SLC16A1: variants seen among roughly 807,000 people sequenced by gnomAD.
SLC16A1 encodes the protein solute carrier family 16 member 1.
In SLC16A1, 11 loss-of-function variants were observed where a neutral mutation model predicts 32.2. The ratio of observed to expected loss-of-function variants is 0.34; its 90% CI spans 0.21 to 0.56. The LOEUF is 0.56. Ranked by LOEUF, SLC16A1 falls within the 20% of genes least tolerant of loss-of-function variation. SLC16A1 has a pLI of 0.87. For synonymous variants in SLC16A1, 231 were observed against 226.8 expected (o/e 1.02, Z -0.17); for missense variants, 435 against 615.0 (o/e 0.71, Z 3.10).
At position 112,917,812 on chromosome 1, in the gene SLC16A1, G is replaced by T. The variant is rs755634416; in HGVS notation, c.594C>A (p.Ile198=). The part of the protein sequence containing the change: ...CCVAGALMRP[I]GPKPTKAGKD... Reference sequence around the variant, plus strand: ...TCCCTGCCTTGGTTGGCTTGGGCCCGATTGGTCGCATGAGGGCTCCAGCAA... The same window carrying T: ...TCCCTGCCTTGGTTGGCTTGGGCCCTATTGGTCGCATGAGGGCTCCAGCAA... Residue 198 remains isoleucine, a synonymous_variant, in exon 4 of 5, where the codon ATC becomes ATA. Coordinates refer to ENST00000369626, the MANE Select transcript of SLC16A1 (RefSeq NM_003051.4). This position sits in a 1 kb window ranked among gnomAD's most constrained non-coding sequence, Gnocchi z 4.1. 6.2e-7 allele frequency: 1 copy of T among 1,614,144 alleles called. No homozygotes were observed. The highest frequency in any genetic ancestry group is 8.5e-7 in the Non-Finnish European group (1 of 1,180,040).
At chr1:112,925,307 TTA>T (rs1648901916) in intron 2 of SLC16A1, among the ~76,000 whole-genome samples, 1 of 151,930 alleles carries the variant, frequency 6.6e-6, no homozygotes, top group South Asian at 2.1e-4. Flanking sequence ...AGTGCTGGGA[TTA>T]TAGGTGTAAG....
intron 1 of SLC16A1, among the ~76,000 whole-genome samples, chr1:112,953,560 C>T (rs1210570114): frequency 6.6e-6 from 1 of 152,140 alleles, no homozygotes; most frequent in African/African-American, 2.4e-5. Flanking sequence ...TTTTTTTACC[C>T]TCCTTGATTC....
At chr1:112,920,509 G>C (rs1011811047) in intron 3 of SLC16A1, among the ~76,000 whole-genome samples, 1 of 152,280 alleles carries the variant, frequency 6.6e-6, no homozygotes, top group East Asian at 1.9e-4. Context: ...GGGAGGCTGC[G>C]GCAGGAGAAT....
At chr1:112,924,412 T>A in intron 2 of SLC16A1, 1 of 1,029,840 alleles carries the variant, frequency 9.7e-7, no homozygotes, top group Non-Finnish European at 1.5e-6. Context: ...TTTCTTTAAT[T>A]TAGAAGTGCC....
chr1:112,930,764 G>A (rs986463629), intron 1 of SLC16A1, among the ~76,000 whole-genome samples: 6 of 139,112 alleles, frequency 4.3e-5, no homozygotes, highest in African/African-American at 1.4e-4. Flanking sequence ...TCACTCTGTC[G>A]CCCGGGCTGG....
intron 1 of SLC16A1, among the ~76,000 whole-genome samples, chr1:112,943,787 C>CA (rs60946516): frequency 0.017 from 835 of 48,370 alleles, 16 homozygotes; most frequent in East Asian, 0.026. Flanking sequence ...GACTCCATCT[C>CA]AAAAAAAAAA....
chr1:112,930,435 C>T (rs945779326), intron 1 of SLC16A1, among the ~76,000 whole-genome samples: 1 of 152,016 alleles, frequency 6.6e-6, no homozygotes, highest in East Asian at 1.9e-4. Flanking sequence ...AACTTTACAC[C>T]TAGCTCTCGA....
chr1:112,925,628 C>G (rs1648914038), intron 2 of SLC16A1, among the ~76,000 whole-genome samples: 1 of 152,100 alleles, frequency 6.6e-6, no homozygotes, highest in African/African-American at 2.4e-5. Flanking sequence ...ATCCACCTAC[C>G]TAGGCCTCCC....
At chr1:112,943,145 G>T (rs1193300617) in intron 1 of SLC16A1, among the ~76,000 whole-genome samples, 3 of 152,262 alleles carry the variant, frequency 2.0e-5, no homozygotes, top group Admixed American at 2.0e-4. Flanking sequence ...AGGTGTGGGG[G>T]TATAAAATGG....
intron 3 of SLC16A1, 140 bp downstream of exon 3, chr1:112,921,850 A>C (rs1648746525): frequency 9.9e-7 from 1 of 1,012,424 alleles, no homozygotes; most frequent in Admixed American, 2.3e-5. Flanking sequence ...TAGTACTTTT[A>C]TCTCTAGTTC....
At chr1:112,937,833 G>C (rs1196428065) in intron 1 of SLC16A1, among the ~76,000 whole-genome samples, 2 of 152,078 alleles carry the variant, frequency 1.3e-5, no homozygotes, top group Non-Finnish European at 2.9e-5. Context: ...AAAGTGATAG[G>C]GTAATGAGAA....
chr1:112,941,694 G>A (rs1649518790), intron 1 of SLC16A1, among the ~76,000 whole-genome samples: 1 of 152,178 alleles, frequency 6.6e-6, no homozygotes, highest in African/African-American at 2.4e-5. Flanking sequence ...ACACTTGTCA[G>A]GAGTCTACAG....
intron 1 of SLC16A1, among the ~76,000 whole-genome samples, chr1:112,946,885 G>C (rs1649720740): frequency 6.6e-6 from 1 of 152,142 alleles, no homozygotes; most frequent in African/African-American, 2.4e-5. Flanking sequence ...TATCTATCTT[G>C]TTTTCTGAGC....
chr1:112,914,662 C>T (rs1405890058), intron 4 of SLC16A1, among the ~76,000 whole-genome samples: 1 of 152,208 alleles, frequency 6.6e-6, no homozygotes, highest in Non-Finnish European at 1.5e-5. Context: ...CAGGCAGATT[C>T]TATTATCATC....
At chr1:112,943,451 A>G (rs543419852) in intron 1 of SLC16A1, among the ~76,000 whole-genome samples, 3 of 152,330 alleles carry the variant, frequency 2.0e-5, no homozygotes, top group African/African-American at 4.8e-5. Context: ...TCAAATATCA[A>G]TGTCCTAAAT....
intron 1 of SLC16A1, among the ~76,000 whole-genome samples, chr1:112,942,623 A>T (rs1649548339): frequency 6.6e-6 from 1 of 152,260 alleles, no homozygotes; most frequent in African/African-American, 2.4e-5. Context: ...TCAATGAAAA[A>T]TAAACAAATG....
chr1:112,930,515 A>C (rs1038593961), intron 1 of SLC16A1, among the ~76,000 whole-genome samples: 16 of 152,180 alleles, frequency 1.1e-4, no homozygotes, highest in Admixed American at 8.5e-4. Flanking sequence ...TATCAGAAAA[A>C]GCTTTAGAGT....
At chr1:112,919,156 G>C (rs1032707112) in intron 3 of SLC16A1, among the ~76,000 whole-genome samples, 17 of 151,628 alleles carry the variant, frequency 1.1e-4, no homozygotes, top group Admixed American at 5.9e-4. Context: ...TCAGCCTCCC[G>C]AGTAGCTGGG....
chr1:112,913,283 T>C lies in SLC16A1; in HGVS notation c.*608A>G, dbSNP rs996494283. 1 of 156,242 alleles carries C rather than the reference T, an allele frequency of 6.4e-6. No individual in the cohort carries two copies. The highest frequency in any genetic ancestry group is 2.4e-5 in the African/African-American group (1 of 41,470). The allele number at this position is 156,242 out of a possible 1,614,324, so 9.7% of individuals were successfully genotyped here. A position where few individuals can be genotyped will look rare whatever the true frequency, so the allele number is the denominator to read the frequency against. On this transcript the variant is annotated 3_prime_UTR_variant, in exon 5 of 5. Coordinates refer to ENST00000369626, the MANE Select transcript of SLC16A1 (RefSeq NM_003051.4). Reference sequence around the variant, plus strand: ...CACTGTGTCTAGAACAGCCAAGATGTTGCCAAAGTTTTATGCTTTGAATTT... The same window carrying C: ...CACTGTGTCTAGAACAGCCAAGATGCTGCCAAAGTTTTATGCTTTGAATTT...
Sources: allele counts gnomAD v4.1 joint callset (sites outside exome capture counted in the v4.1 genomes callset), GRCh38; gene constraint gnomAD v4.1.1; non-coding constraint Gnocchi (gnomAD v3.1); transcripts MANE v1.5; gene names NCBI Gene and HGNC (gene_info 2026-07-23, HGNC 2026-07-21).